DLGAP2: variants seen among roughly 807,000 people sequenced by gnomAD.
The protein encoded by DLGAP2 is DLG associated protein 2.
A neutral mutation model predicts 100.3 loss-of-function variants in DLGAP2; 26 were observed. The ratio of observed to expected loss-of-function variants is 0.26; its 90% CI spans 0.19 to 0.36. The LOEUF (loss-of-function observed/expected upper bound fraction) is 0.36, where lower values mean the gene tolerates loss of function less well. Ranked by LOEUF, DLGAP2 falls within the 10% of genes least tolerant of loss-of-function variation. DLGAP2 has a pLI of 1.00. For missense variants in DLGAP2, 1,858 were observed against 1,453.2 expected, an observed-to-expected ratio of 1.28 and a Z score of -4.53; for synonymous variants, 886 against 630.1, an observed-to-expected ratio of 1.41 and a Z score of -6.08.
intron 3 of DLGAP2, among the ~76,000 whole-genome samples, chr8:1,335,743 A>T (rs1801258614): frequency 6.6e-6 from 1 of 152,240 alleles, no homozygotes. Flanking sequence ...AGTATGATTT[A>T]TGTGTTTTGT....
chr8:878,252 AT>A (rs1366115931), intron 1 of DLGAP2, among the ~76,000 whole-genome samples: 2 of 152,128 alleles, frequency 1.3e-5, no homozygotes, highest in African/African-American at 4.8e-5. Context: ...ATAGAAACAA[AT>A]TCTTTTAGGA....
At chr8:1,448,980 G>C (rs759767735) in intron 3 of DLGAP2, among the ~76,000 whole-genome samples, 1 of 152,202 alleles carries the variant, frequency 6.6e-6, no homozygotes, top group South Asian at 2.1e-4. Context: ...GCAAAGTCTG[G>C]TTTAAAAGCT....
intron 12 of DLGAP2, among the ~76,000 whole-genome samples, chr8:1,685,509 C>G (rs1016262497): frequency 6.6e-6 from 1 of 152,206 alleles, no homozygotes; most frequent in Non-Finnish European, 1.5e-5. Context: ...CTAAGAGAAT[C>G]AACCCACTGA....
intron 6 of DLGAP2, among the ~76,000 whole-genome samples, chr8:1,623,694 A>C (rs577285434): frequency 6.6e-6 from 1 of 152,230 alleles, no homozygotes; most frequent in Non-Finnish European, 1.5e-5. Flanking sequence ...GCACCAGTGC[A>C]CAATGACCTT....
At chr8:1,295,101 C>A (rs1800141521) in intron 3 of DLGAP2, among the ~76,000 whole-genome samples, 3 of 152,116 alleles carry the variant, frequency 2.0e-5, no homozygotes, top group African/African-American at 7.2e-5. Flanking sequence ...CTACCACGGG[C>A]TCATGTTGCA....
At chr8:1,136,651 T>C (rs900515360) in intron 2 of DLGAP2, among the ~76,000 whole-genome samples, 1 of 152,198 alleles carries the variant, frequency 6.6e-6, no homozygotes, top group Non-Finnish European at 1.5e-5. Context: ...AAAAACGTCT[T>C]TCTCTATGCT....
At chr8:1,322,857 A>T (rs1411029987) in intron 3 of DLGAP2, among the ~76,000 whole-genome samples, 1 of 152,172 alleles carries the variant, frequency 6.6e-6, no homozygotes, top group Non-Finnish European at 1.5e-5. Flanking sequence ...TCTATGATGT[A>T]TCATTTGTCA....
At chr8:1,153,638 C>T (rs1426999573) in intron 2 of DLGAP2, among the ~76,000 whole-genome samples, 1 of 152,152 alleles carries the variant, frequency 6.6e-6, no homozygotes, top group Admixed American at 6.5e-5. Context: ...TTAGACTTTT[C>T]ACAGGCGTAT....
chr8:1,436,138 G>C (rs73172545), intron 3 of DLGAP2, among the ~76,000 whole-genome samples: 30,125 of 152,040 alleles, frequency 0.2, 3,585 homozygotes, highest in Middle Eastern at 0.28. Context: ...CAACCACAAG[G>C]TGAACTCCCA....
chr8:1,120,627 T>C (rs1796015127), intron 2 of DLGAP2, among the ~76,000 whole-genome samples: 1 of 150,616 alleles, frequency 6.6e-6, no homozygotes, highest in South Asian at 2.1e-4. Context: ...TGACCACCCA[T>C]CCTCATTCCT....
intron 2 of DLGAP2, among the ~76,000 whole-genome samples, chr8:994,656 C>T (rs1800736034): frequency 6.6e-6 from 1 of 152,166 alleles, no homozygotes; most frequent in African/African-American, 2.4e-5. Flanking sequence ...TTTTAAGATG[C>T]ATTTACACAC....
At chr8:1,381,791 G>GTGTA (rs1554456628) in intron 3 of DLGAP2, among the ~76,000 whole-genome samples, 5 of 116,742 alleles carry the variant, frequency 4.3e-5, no homozygotes, top group Non-Finnish European at 8.1e-5. Context: ...TAGTGTGTGT[G>GTGTA]TGTGTGTGTG....
At chr8:1,269,951 G>C (rs1399794258) in intron 3 of DLGAP2, among the ~76,000 whole-genome samples, 2 of 152,202 alleles carry the variant, frequency 1.3e-5, no homozygotes, top group African/African-American at 4.8e-5. Context: ...GGCACATGCA[G>C]AATCCTGTGT....
intron 2 of DLGAP2, among the ~76,000 whole-genome samples, chr8:1,135,492 T>C (rs1014394560): frequency 3.1e-4 from 46 of 146,474 alleles, no homozygotes; most frequent in Middle Eastern, 3.5e-3. Flanking sequence ...CCTAGAAGGG[T>C]TTTTTTGTGG....
intron 1 of DLGAP2, among the ~76,000 whole-genome samples, chr8:784,436 A>C (rs73539414): frequency 0.012 from 1,801 of 152,308 alleles, 49 homozygotes; most frequent in African/African-American, 0.041. Context: ...CTGTAGGAGG[A>C]GATGGAATGG....
intron 3 of DLGAP2, among the ~76,000 whole-genome samples, chr8:1,285,171 TG>T (rs1205559596): frequency 6.6e-6 from 1 of 152,174 alleles, no homozygotes; most frequent in East Asian, 1.9e-4. Flanking sequence ...TTTTTCTGAG[TG>T]TTCTGTTGTG....
At chr8:1,652,199 A>G (rs979729097) in intron 8 of DLGAP2, among the ~76,000 whole-genome samples, 2 of 152,170 alleles carry the variant, frequency 1.3e-5, no homozygotes, top group African/African-American at 4.8e-5. Flanking sequence ...ATTGGGCTTT[A>G]CGCACACCGA....
intron 2 of DLGAP2, chr8:1,137,406 G>A (rs61188389): frequency 0.017 from 2,641 of 152,734 alleles, 76 homozygotes; most frequent in African/African-American, 0.06. Flanking sequence ...GCCCCGAGCT[G>A]ATGTCCCGCT....
At chr8:1,464,586 A>G (rs1563165188) in intron 3 of DLGAP2, among the ~76,000 whole-genome samples, 1 of 151,500 alleles carries the variant, frequency 6.6e-6, no homozygotes, top group Admixed American at 6.6e-5. Flanking sequence ...CTTCCAGGAC[A>G]GCTCCCTTCC....
Sources: allele counts gnomAD v4.1 joint callset (sites outside exome capture counted in the v4.1 genomes callset), GRCh38; gene constraint gnomAD v4.1.1; transcripts MANE v1.5; gene names NCBI Gene and HGNC (gene_info 2026-07-23, HGNC 2026-07-21).